Variants in ELP2 observed in about 807,000 individuals in gnomAD.
The protein encoded by ELP2 is elongator acetyltransferase complex subunit 2.
ELP2 carries 90 observed loss-of-function variants against 119.2 expected under a neutral mutation model. The observed-to-expected ratio is 0.75, with a 90% confidence interval of 0.64 to 0.90. ELP2 has a LOEUF of 0.90. Ranked by LOEUF, ELP2 falls within the 40% of genes least tolerant of loss-of-function variation. ELP2 has a pLI of 0.00. For synonymous variants in ELP2, 339 were observed against 331.0 expected (o/e 1.02, Z -0.26); for missense variants, 921 against 967.8 (o/e 0.95, Z 0.64).
At chr18:36,132,992 C>T (rs972627423) in intron 1 of ELP2, among the ~76,000 whole-genome samples, 12 of 151,830 alleles carry the variant, frequency 7.9e-5, no homozygotes, top group South Asian at 2.1e-4. Flanking sequence ...GATGCAGACG[C>T]GAGAGCTCAG....
intron 3 of ELP2, among the ~76,000 whole-genome samples, chr18:36,137,495 C>T (rs1421654213): frequency 2.0e-5 from 3 of 152,112 alleles, no homozygotes; most frequent in Admixed American, 6.6e-5. Context: ...ATTTAAGGAA[C>T]ACCACTATTT....
intron 5 of ELP2, chr18:36,139,316 G>T (rs2089940461): frequency 8.5e-7 from 1 of 1,171,442 alleles, no homozygotes; most frequent in South Asian, 1.6e-5. Flanking sequence ...TCTGCAAACA[G>T]AAAAATTTCC....
rs1271373729 is a variant in ELP2 at position 36,179,859 on chromosome 18, A to G, written c.*5218A>G. On this transcript the variant is annotated 3_prime_UTR_variant, in exon 22 of 22. Transcript: ENST00000358232. ...AGTCTAGGTGAGGGTTGGAACCCCA[A>G]TGAGTTGGGCAACAGAAACCCAGCT... 1 of 152,138 alleles carries G rather than the reference A, an allele frequency of 6.6e-6. No homozygotes were observed. Among genetic ancestry groups the G allele is most frequent in the Non-Finnish European group, 1.5e-5 (1 of 68,024 alleles). 9.4% of individuals were successfully genotyped at this position (152,138 alleles called of 1,614,324 possible).
intron 11 of ELP2, among the ~76,000 whole-genome samples, chr18:36,150,066 G>C (rs1407930498): frequency 6.6e-6 from 1 of 152,122 alleles, no homozygotes; most frequent in Non-Finnish European, 1.5e-5. Context: ...TACACAGTCA[G>C]TTTCAGTTCC....
intron 1 of ELP2, 69 bp from the exon 2 acceptor site, chr18:36,133,169 T>G: frequency 9.3e-7 from 1 of 1,076,560 alleles, no homozygotes. Context: ...CTGAAATCTG[T>G]TTTTACTTAT....
At chr18:36,160,741 T>C (rs564640429) in intron 16 of ELP2, among the ~76,000 whole-genome samples, 191 bp from the exon 17 acceptor site, 6 of 152,298 alleles carry the variant, frequency 3.9e-5, no homozygotes, top group South Asian at 2.1e-4. Context: ...ATATTACTTA[T>C]AGGAAGCTGA....
chr18:36,173,479 A>G (rs931165661), intron 21 of ELP2, among the ~76,000 whole-genome samples: 2 of 152,376 alleles, frequency 1.3e-5, no homozygotes, highest in Non-Finnish European at 1.5e-5. Flanking sequence ...TCAAAGGAAC[A>G]TGAGCTATCA....
chr18:36,167,040 C>A, intron 18 of ELP2, 61 bp from the exon 19 acceptor site: 1 of 1,531,914 alleles, frequency 6.5e-7, no homozygotes, highest in South Asian at 1.3e-5. Flanking sequence ...AACATCACTT[C>A]CTAACAGGTA....
chr18:36,148,375 C>T (rs141161119), intron 11 of ELP2, among the ~76,000 whole-genome samples: 65 of 152,154 alleles, frequency 4.3e-4, no homozygotes, highest in African/African-American at 1.5e-3. Flanking sequence ...CCCAGCTGGT[C>T]GGGTTTAAGA....
intron 11 of ELP2, among the ~76,000 whole-genome samples, chr18:36,151,685 G>T (rs1771282304): frequency 6.6e-6 from 1 of 151,446 alleles, no homozygotes; most frequent in South Asian, 2.1e-4. Flanking sequence ...TAATTCTTTG[G>T]GCTGAAGAAA....
chr18:36,135,441 T>C (rs1196218186), intron 2 of ELP2, among the ~76,000 whole-genome samples: 1 of 152,208 alleles, frequency 6.6e-6, no homozygotes, highest in Non-Finnish European at 1.5e-5. Flanking sequence ...TTGAAGCCCA[T>C]GATCACAGTT....
intron 11 of ELP2, among the ~76,000 whole-genome samples, chr18:36,147,081 GTTTTTTT>G (rs61330040): frequency 4.9e-5 from 6 of 123,436 alleles, no homozygotes; most frequent in South Asian, 5.5e-4. Flanking sequence ...AACATGGGTA[GTTTTTTT>G]TTTTTTTTTT....
At chr18:36,131,490 C>T (rs1043131726) in intron 1 of ELP2, among the ~76,000 whole-genome samples, 1 of 152,214 alleles carries the variant, frequency 6.6e-6, no homozygotes, top group African/African-American at 2.4e-5. Flanking sequence ...CTGGGAGGAC[C>T]CTAAGAGGGG....
Position 36,171,170 on chromosome 18 carries a change from T to C in ELP2, c.2324+10T>C, listed in dbSNP as rs1289901165. On this transcript the variant is annotated intron_variant, in intron 21 of 21. Transcript: ENST00000358232. Reference sequence around the variant, plus strand: ...TAGAAACAAGTCAAAGGTATTTCTTTCCTATTTTTGTTTCCATCAGATTAA... The same window carrying C: ...TAGAAACAAGTCAAAGGTATTTCTTCCCTATTTTTGTTTCCATCAGATTAA... The C allele has an allele frequency of 1.3e-6, 2 of 1,599,704 alleles. No individual in the cohort carries two copies. Among genetic ancestry groups the C allele is most frequent in the African/African-American group, 1.3e-5 (1 of 74,464 alleles).
At chr18:36,156,349 T>A (rs1403816104) in intron 12 of ELP2, 117 bp from the exon 13 acceptor site, 13 of 1,001,898 alleles carry the variant, frequency 1.3e-5, no homozygotes, top group Non-Finnish European at 2.0e-5. Context: ...TATTCATGGA[T>A]GAATATTTGC....
intron 11 of ELP2, among the ~76,000 whole-genome samples, chr18:36,148,100 T>G (rs1223761259): frequency 6.7e-6 from 1 of 149,770 alleles, no homozygotes; most frequent in African/African-American, 2.4e-5. Flanking sequence ...AGGTTTTTGT[T>G]TTTTTTTTTT....
intron 21 of ELP2, among the ~76,000 whole-genome samples, chr18:36,171,787 G>A (rs1382358555): frequency 2.3e-4 from 35 of 152,226 alleles, no homozygotes; most frequent in Admixed American, 2.2e-3. Flanking sequence ...CAAGATCCCA[G>A]CTCACTGCAA....
Position 36,138,840 on chromosome 18 carries a change from C to T in ELP2, c.491C>T (p.Ala164Val). The change falls in exon 5 of 22, where the codon GCT becomes GTT. Residue 164 changes from alanine (A) to valine (V), a missense_variant. Coordinates refer to ENST00000358232, the MANE Select transcript of ELP2 (RefSeq NM_018255.4). ...TLNFGNGFAL[A>V]LCLSFLPNTD... ...AACTTTGGAAATGGATTTGCTTTGG[C>T]TCTCTGCTTATCTTTTTTGCCAAAT... 1 of 1,613,894 alleles carries T rather than the reference C, an allele frequency of 6.2e-7. No individual in the cohort carries two copies. The highest frequency in any genetic ancestry group is 8.5e-7 in the Non-Finnish European group (1 of 1,179,904).
In ELP2 at chr18:36,174,716, C is replaced by A; in HGVS notation, c.*75C>A. On this transcript the variant is annotated 3_prime_UTR_variant, in exon 22 of 22. Coordinates refer to ENST00000358232, the MANE Select transcript of ELP2 (RefSeq NM_018255.4). ...CATGTAAACAGGTCATCTTTACCTTCATAACTGAATTGAGTTTCTGGGTTT... is the reference window on the plus strand; with the variant it reads ...CATGTAAACAGGTCATCTTTACCTTAATAACTGAATTGAGTTTCTGGGTTT... 14 of 1,367,366 alleles carry A rather than the reference C, an allele frequency of 1.0e-5. No homozygotes were observed. Among genetic ancestry groups the A allele is most frequent in the African/African-American group, 1.4e-5 (1 of 69,200 alleles). 84.7% of individuals were successfully genotyped at this position (1,367,366 alleles called of 1,614,324 possible).
Sources: gnomAD v4.1 joint callset for allele counts (sites outside exome capture counted in the v4.1 genomes callset) on GRCh38, gnomAD v4.1.1 for gene constraint, MANE v1.5 for transcripts, NCBI Gene and HGNC (gene_info 2026-07-23, HGNC 2026-07-21) for gene names.